The following KPNA4 variants were observed in gnomAD, a reference collection of about 807,000 sequenced individuals.
KPNA4 encodes karyopherin subunit alpha 4.
In KPNA4, 13 loss-of-function variants were observed where a neutral mutation model predicts 71.3. The observed-to-expected ratio is 0.18, with a 90% confidence interval of 0.12 to 0.29. The LOEUF (loss-of-function observed/expected upper bound fraction) is 0.29, where lower values mean the gene tolerates loss of function less well. Ranked by LOEUF, KPNA4 falls within the 10% of genes least tolerant of loss-of-function variation. The pLI, the probability that KPNA4 is intolerant of heterozygous loss-of-function variation, is 1.00. For missense variants in KPNA4, 334 were observed against 603.2 expected (o/e 0.55, Z 4.67); for synonymous variants, 189 against 195.2 (o/e 0.97, Z 0.26).
chr3:160,524,336 T>G (rs1432038721), intron 10 of KPNA4, among the ~76,000 whole-genome samples: 2 of 151,836 alleles, frequency 1.3e-5, no homozygotes, highest in African/African-American at 4.8e-5. Context: ...AATCGTTTTA[T>G]TTATTTATTT....
At chr3:160,533,460 A>C (rs920643182) in intron 5 of KPNA4, among the ~76,000 whole-genome samples, 18 of 152,048 alleles carry the variant, frequency 1.2e-4, no homozygotes, top group African/African-American at 4.3e-4. Flanking sequence ...AAAAAAAAAA[A>C]AAAACCACTT....
At chr3:160,542,778 T>TAA (rs112368848) in intron 1 of KPNA4, among the ~76,000 whole-genome samples, 3,197 of 152,222 alleles carry the variant, frequency 0.021, 98 homozygotes, top group African/African-American at 0.061. Context: ...AGTCTGAAAA[T>TAA]ACATTGAGTG....
chr3:160,515,904 T>C (rs1261860510), intron 11 of KPNA4, among the ~76,000 whole-genome samples: 1 of 152,102 alleles, frequency 6.6e-6, no homozygotes, highest in Admixed American at 6.6e-5. Context: ...CATGAGCCAT[T>C]GTGCCCAGCT....
intron 10 of KPNA4, among the ~76,000 whole-genome samples, chr3:160,524,095 AAC>A (rs1721414380): frequency 6.6e-6 from 1 of 152,180 alleles, no homozygotes; most frequent in Non-Finnish European, 1.5e-5. Flanking sequence ...TCAAACTTCT[AAC>A]ACATTATTTA....
intron 10 of KPNA4, among the ~76,000 whole-genome samples, chr3:160,522,525 T>C (rs1373320339): frequency 6.6e-6 from 1 of 152,090 alleles, no homozygotes; most frequent in East Asian, 1.9e-4. Context: ...CAGCGCGATC[T>C]CGGTTCACTG....
chr3:160,500,631 A>C lies in KPNA4; in HGVS notation c.*1473T>G, dbSNP rs1720859454. 1.3e-5 allele frequency: 2 copies of C among 152,642 alleles called. No individual in the cohort carries two copies. Among genetic ancestry groups the C allele is most frequent in the Admixed American group, 6.5e-5 (1 of 15,282 alleles). 9.5% of individuals were successfully genotyped at this position (152,642 alleles called of 1,614,324 possible). On this transcript the variant is annotated 3_prime_UTR_variant, in exon 17 of 17. Transcript: ENST00000334256. ...AAACCACTTGCATAACTTTTATGCAAGTTTTAAAAATACAAAGTTTTCTCC... is the reference window on the plus strand; with the variant it reads ...AAACCACTTGCATAACTTTTATGCACGTTTTAAAAATACAAAGTTTTCTCC...
Position 160,535,900 on chromosome 3 carries a change from TAAAAAAA to T in KPNA4, c.115-10_115-4del, listed in dbSNP as rs71628425. 7 of 325,356 alleles carry T rather than the reference TAAAAAAA, an allele frequency of 2.2e-5. No homozygotes were observed. Among genetic ancestry groups the T allele is most frequent in the African/African-American group, 2.1e-4 (5 of 23,476 alleles). The allele number at this position is 325,356 out of a possible 1,614,324, so 20.2% of individuals were successfully genotyped here. ...AAGAGATGTTCATCTCTTTTATTCT[TAAAAAAA>T]AAAAAAAAAAAAAAAAAACCAAACA... On this transcript the variant is annotated splice_polypyrimidine_tract_variant and splice_region_variant and intron_variant, in intron 2 of 16. Transcript: ENST00000334256.
chr3:160,547,017 G>A (rs1721924830), intron 1 of KPNA4, among the ~76,000 whole-genome samples: 1 of 152,152 alleles, frequency 6.6e-6, no homozygotes, highest in Non-Finnish European at 1.5e-5. Flanking sequence ...GACTAAATCT[G>A]TGTAAACTGA....
chr3:160,537,184 AAAT>A (rs1721707821), intron 1 of KPNA4, among the ~76,000 whole-genome samples: 1 of 151,900 alleles, frequency 6.6e-6, no homozygotes, highest in Admixed American at 6.6e-5. Context: ...ATATTACAAA[AAAT>A]AACACACGTA....
Position 160,501,530 on chromosome 3 carries a change from TAC to T in KPNA4, c.*572_*573del, listed in dbSNP as rs750457413. On this transcript the variant is annotated 3_prime_UTR_variant, in exon 17 of 17. Coordinates refer to ENST00000334256, the MANE Select transcript of KPNA4 (RefSeq NM_002268.5). ...ATACAGCACCACAACCACGCTCTCG[TAC>T]ACAGTCACTCCAGGACTAGGAGTCT... 3.9e-5 allele frequency: 6 copies of T among 152,642 alleles called. No homozygotes were observed. Among genetic ancestry groups the T allele is most frequent in the Non-Finnish European group, 8.8e-5 (6 of 68,046 alleles). The allele number at this position is 152,642 out of a possible 1,614,324, so 9.5% of individuals were successfully genotyped here.
rs1387337510 is a variant in KPNA4, at chr3:160,531,538, G to T, written c.307C>A (p.Arg103=). ...ATTAAGTCATCAATTGGTGGATTTC[G>T]ATCACTGGACAAAAGCTTCCTGTAA... ...QAARKLLSSD[R]NPPIDDLIKS... Residue 103 remains arginine, a synonymous_variant, in exon 6 of 17, where the codon CGA becomes AGA. Transcript: ENST00000334256. 1.3e-5 allele frequency: 20 copies of T among 1,584,036 alleles called. No individual in the cohort carries two copies. Among genetic ancestry groups the T allele is most frequent in the Admixed American group, 1.7e-5 (1 of 57,460 alleles).
chr3:160,507,522 A>AT (rs1721011598), intron 15 of KPNA4, among the ~76,000 whole-genome samples: 1 of 149,300 alleles, frequency 6.7e-6, no homozygotes. Context: ...AAAAAAAAAA[A>AT]GCCTTCATAG....
At chr3:160,526,806 T>C (rs1324021406) in intron 8 of KPNA4, among the ~76,000 whole-genome samples, 2 of 152,240 alleles carry the variant, frequency 1.3e-5, no homozygotes, top group African/African-American at 4.8e-5. Flanking sequence ...ATAAAATGTT[T>C]GTTCTTTTTG....
At chr3:160,561,990 C>T (rs540005202) in intron 1 of KPNA4, among the ~76,000 whole-genome samples, 1 of 152,180 alleles carries the variant, frequency 6.6e-6, no homozygotes, top group East Asian at 1.9e-4. Flanking sequence ...TAAGACTAAG[C>T]GATTTTCCCC....
intron 15 of KPNA4, 76 bp downstream of exon 15, chr3:160,508,031 G>C: frequency 9.3e-7 from 1 of 1,079,218 alleles, no homozygotes; most frequent in Non-Finnish European, 1.3e-6. Context: ...ATATAGATGT[G>C]CTATATTAGT....
At chr3:160,518,582 G>A (rs973962198) in intron 11 of KPNA4, among the ~76,000 whole-genome samples, 13 of 151,464 alleles carry the variant, frequency 8.6e-5, no homozygotes, top group East Asian at 4.0e-4. Context: ...CAACTTGGCC[G>A]GGCGCGGTGG....
At chr3:160,511,189 T>C (rs1034379572) in intron 13 of KPNA4, among the ~76,000 whole-genome samples, 12 of 152,206 alleles carry the variant, frequency 7.9e-5, no homozygotes, top group South Asian at 2.1e-4. Flanking sequence ...CACTGCAAGC[T>C]CTGCCTCCTG....
chr3:160,524,246 A>G (rs1721418623), intron 10 of KPNA4, among the ~76,000 whole-genome samples: 1 of 152,246 alleles, frequency 6.6e-6, no homozygotes. Flanking sequence ...GAAAGAACAC[A>G]ATCTATCTCT....
intron 1 of KPNA4, among the ~76,000 whole-genome samples, chr3:160,546,969 G>A (rs933621424): frequency 6.6e-6 from 1 of 152,158 alleles, no homozygotes; most frequent in Non-Finnish European, 1.5e-5. Context: ...ACTGCAAAGC[G>A]ATTCCCATTT....
Sources: gnomAD v4.1 joint callset for allele counts (sites outside exome capture counted in the v4.1 genomes callset) on GRCh38, gnomAD v4.1.1 for gene constraint, MANE v1.5 for transcripts, NCBI Gene and HGNC (gene_info 2026-07-23, HGNC 2026-07-21) for gene names.